PPP2CB: variants seen among roughly 807,000 people sequenced by gnomAD.
The protein encoded by PPP2CB is protein phosphatase 2 catalytic subunit beta.
A neutral mutation model predicts 39.1 loss-of-function variants in PPP2CB; 18 were observed. That is an observed-to-expected ratio of 0.46 (90% CI 0.32 to 0.68). The LOEUF (loss-of-function observed/expected upper bound fraction) is 0.68, where lower values mean the gene tolerates loss of function less well. PPP2CB is among the 30% of genes least tolerant of loss of function. PPP2CB has a pLI of 0.04. For synonymous variants in PPP2CB, 129 were observed against 133.8 expected (o/e 0.96, Z 0.25); for missense variants, 226 against 396.9 (o/e 0.57, Z 3.66).
intron 2 of PPP2CB, among the ~76,000 whole-genome samples, chr8:30,798,219 A>G (rs1383606641): frequency 3.9e-5 from 6 of 152,242 alleles, no homozygotes; most frequent in Non-Finnish European, 8.8e-5. Context: ...TTTGCCAATA[A>G]TAACACAAAA....
chr8:30,809,042 C>T lies in PPP2CB; in HGVS notation c.102+3278G>A, dbSNP rs368887161. ...TAGGGATTCTTGTGTCTCAGCCTCCCAAGTAGCTGGGAGTGCAACACTACG... is the reference window on the plus strand; with the variant it reads ...TAGGGATTCTTGTGTCTCAGCCTCCTAAGTAGCTGGGAGTGCAACACTACG... On this transcript the variant is annotated intron_variant, in intron 1 of 6. Transcript: ENST00000221138. 6.6e-5 allele frequency among the ~76,000 whole-genome samples: 10 copies of T among 151,148 alleles called. No homozygotes were observed. In the South Asian group the frequency reaches 2.1e-3, roughly 32 times the overall value.
At chr8:30,802,102 A>T (rs1348265850) in intron 1 of PPP2CB, among the ~76,000 whole-genome samples, 3 of 152,186 alleles carry the variant, frequency 2.0e-5, no homozygotes, top group Admixed American at 2.0e-4. Context: ...GATTCCCAAG[A>T]GTTATGGACA....
intron 1 of PPP2CB, among the ~76,000 whole-genome samples, chr8:30,808,221 C>G (rs1053874589): frequency 1.3e-5 from 2 of 152,092 alleles, no homozygotes; most frequent in African/African-American, 4.8e-5. Context: ...GCCTCAGCCT[C>G]CCGAGTAGCT....
At chr8:30,788,591 T>C (rs1033791431) in intron 6 of PPP2CB, among the ~76,000 whole-genome samples, 1 of 152,250 alleles carries the variant, frequency 6.6e-6, no homozygotes, top group Non-Finnish European at 1.5e-5. Context: ...GTTTGGAGAA[T>C]ATCCTTTTAA....
At position 30,794,217 on chromosome 8, in the gene PPP2CB, T is replaced by A. The variant is rs1458493379; in HGVS notation, c.551A>T (p.Asp184Val). The A allele has an allele frequency of 1.2e-6, 2 of 1,613,994 alleles. No individual in the cohort carries two copies. The highest frequency in any genetic ancestry group is 2.7e-5 in the African/African-American group (2 of 74,948). Residue 184 changes from aspartate (D) to valine (V), a missense_variant, in exon 4 of 7, where the codon GAT becomes GTT. By Grantham distance (152) the Asp-to-Val change is radical. Around this residue, in one of 4 missense-constraint regions of PPP2CB, gnomAD observed 110 missense variants for 244.1 expected, o/e 0.45. Coordinates refer to ENST00000221138, the MANE Select transcript of PPP2CB (RefSeq NM_001009552.2). ...IDTLDHIRAL[D>V]RLQEVPHEGP... ...CTCATGTGGAACTTCCTGTAAACGA[T>A]CCAGGGCTCTTATATGATCCAGTGT...
At chr8:30,797,796 T>C in intron 2 of PPP2CB, 42 bp from the exon 3 acceptor site, 2 of 1,593,632 alleles carry the variant, frequency 1.3e-6, no homozygotes, top group Non-Finnish European at 1.7e-6. Context: ...ATCACATTTT[T>C]ACTAGTGTCA....
rs1475584971 is a variant in PPP2CB at position 30,809,764 on chromosome 8, G to A, written c.102+2556C>T. On this transcript the variant is annotated intron_variant, in intron 1 of 6. Coordinates refer to ENST00000221138, the MANE Select transcript of PPP2CB (RefSeq NM_001009552.2). ...GAGACCAGCCTGGGCAACACGGTGA[G>A]ACCCCATAAAAAAAATAAAAAAATT... Among the ~76,000 whole-genome samples, 3 of 151,926 alleles carry A rather than the reference G, an allele frequency of 2.0e-5. No individual in the cohort carries two copies. In the East Asian group the frequency reaches 5.8e-4, roughly 29 times the overall value.
At chr8:30,806,851 T>C (rs1054121162) in intron 1 of PPP2CB, among the ~76,000 whole-genome samples, 2 of 152,218 alleles carry the variant, frequency 1.3e-5, no homozygotes, top group Admixed American at 1.3e-4. Context: ...TCACTTTATC[T>C]ACTTAGGTAA....
At chr8:30,801,582 G>A (rs1406299844) in intron 1 of PPP2CB, among the ~76,000 whole-genome samples, 6 of 151,622 alleles carry the variant, frequency 4.0e-5, no homozygotes, top group African/African-American at 1.5e-4. Context: ...AGTAAAAGCA[G>A]ATGACAGCTT....
chr8:30,795,995 T>C (rs79786303), intron 3 of PPP2CB, among the ~76,000 whole-genome samples: 3,516 of 152,304 alleles, frequency 0.023, 132 homozygotes, highest in African/African-American at 0.079. Flanking sequence ...GAAAAATATA[T>C]AAAAGCTCTA....
intron 1 of PPP2CB, among the ~76,000 whole-genome samples, chr8:30,800,049 T>C (rs912964466): frequency 1.1e-4 from 17 of 152,216 alleles, no homozygotes; most frequent in Non-Finnish European, 2.5e-4. Flanking sequence ...AAAATTACCA[T>C]GTAATCCAGC....
chr8:30,809,317 T>C (rs1406581439), intron 1 of PPP2CB, among the ~76,000 whole-genome samples: 1 of 152,090 alleles, frequency 6.6e-6, no homozygotes, highest in African/African-American at 2.4e-5. Flanking sequence ...GCTAGCAAGC[T>C]GTGAAGCAGG....
chr8:30,808,922 CTT>C (rs34287210), intron 1 of PPP2CB, among the ~76,000 whole-genome samples: 160 of 116,730 alleles, frequency 1.4e-3, no homozygotes, highest in African/African-American at 5.2e-3. Context: ...TTTACATGGC[CTT>C]TTTTTTTTTT....
At chr8:30,791,791 TTATA>T (rs1450938291) in intron 5 of PPP2CB, among the ~76,000 whole-genome samples, 3 of 151,986 alleles carry the variant, frequency 2.0e-5, no homozygotes, top group Non-Finnish European at 2.9e-5. Flanking sequence ...AGCTATAGTA[TTATA>T]TATAGTGTGT....
In PPP2CB at chr8:30,812,707, G is replaced by T; in HGVS notation, c.-286C>A. ...GTGAAGGACGCGGTGAGGTGCCGGG[G>T]AGCGCGGCGCGGGTCCTCGGCCTAG... On this transcript the variant is annotated 5_prime_UTR_variant, in exon 1 of 7. Coordinates refer to ENST00000221138, the MANE Select transcript of PPP2CB (RefSeq NM_001009552.2). 1 of 443,426 alleles carries T rather than the reference G, an allele frequency of 2.3e-6. No individual in the cohort carries two copies. The highest frequency in any genetic ancestry group is 4.3e-6 in the Non-Finnish European group (1 of 230,580). The allele number at this position is 443,426 out of a possible 1,614,324, so 27.5% of individuals were successfully genotyped here.
chr8:30,807,799 T>C (rs1806748778), intron 1 of PPP2CB, among the ~76,000 whole-genome samples: 1 of 152,200 alleles, frequency 6.6e-6, no homozygotes. Flanking sequence ...CAGGAATGAA[T>C]CACAGAAGCA....
At chr8:30,798,474 C>T (rs945743963) in intron 2 of PPP2CB, among the ~76,000 whole-genome samples, 1 of 152,200 alleles carries the variant, frequency 6.6e-6, no homozygotes, top group African/African-American at 2.4e-5. Context: ...TACACAAGTA[C>T]AGTCATGTGC....
rs534733784 is a variant in PPP2CB, at chr8:30,799,823, T to A, written c.103-68A>T. The stretch of plus-strand genomic sequence containing the variant: ...CATTTCTTATCTATTAAAAGAAAAT[T>A]TGGGGAAAAAAACACTTGAAAAGTG... On this transcript the variant is annotated intron_variant, in intron 1 of 6. Coordinates refer to ENST00000221138, the MANE Select transcript of PPP2CB (RefSeq NM_001009552.2). 10 of 1,450,624 alleles carry A rather than the reference T, an allele frequency of 6.9e-6. No individual in the cohort carries two copies. The East Asian group carries it at 2.3e-4, about 34-fold the overall frequency. The allele number at this position is 1,450,624 out of a possible 1,614,324, so 89.9% of individuals were successfully genotyped here. A position where few individuals can be genotyped will look rare whatever the true frequency, so the allele number is the denominator to read the frequency against.
intron 1 of PPP2CB, among the ~76,000 whole-genome samples, chr8:30,812,078 G>A (rs1806841123): frequency 6.6e-6 from 1 of 152,036 alleles, no homozygotes; most frequent in Admixed American, 6.5e-5. Flanking sequence ...CCCCACGCCC[G>A]GGATCTGGGC....
Sources: gnomAD v4.1 joint callset for allele counts (sites outside exome capture counted in the v4.1 genomes callset) on GRCh38, gnomAD v4.1.1 for gene constraint, gnomAD v4.1.1 regional missense constraint, MANE v1.5 for transcripts, NCBI Gene and HGNC (gene_info 2026-07-23, HGNC 2026-07-21) for gene names.